WSCD2: variants seen among roughly 807,000 people sequenced by gnomAD.
WSCD2 encodes sialate:O-sulfotransferase 2.
WSCD2 carries 28 observed loss-of-function variants against 55.7 expected under a neutral mutation model. The ratio of observed to expected loss-of-function variants is 0.50; its 90% CI spans 0.37 to 0.69. The LOEUF (loss-of-function observed/expected upper bound fraction) is 0.69. WSCD2 is among the 30% of genes least tolerant of loss of function. The pLI, the probability that WSCD2 is intolerant of heterozygous loss-of-function variation, is 0.00. For missense variants in WSCD2, 616 were observed against 762.1 expected (o/e 0.81, Z 2.26); for synonymous variants, 301 against 301.9 (o/e 1.00, Z 0.03).
chr12:108,170,443 AC>A (rs1880118305), intron 1 of WSCD2, among the ~76,000 whole-genome samples: 1 of 151,932 alleles, frequency 6.6e-6, no homozygotes, highest in South Asian at 2.1e-4. Flanking sequence ...GATATTGACA[AC>A]AATGATGATG....
chr12:108,238,527 G>A (rs1889445199), intron 7 of WSCD2, among the ~76,000 whole-genome samples: 1 of 152,164 alleles, frequency 6.6e-6, no homozygotes, highest in African/African-American at 2.4e-5. Flanking sequence ...GATGATACGG[G>A]GCGACTTCTC....
chr12:108,147,858 GA>G (rs34940032), intron 1 of WSCD2, among the ~76,000 whole-genome samples: 76 of 134,300 alleles, frequency 5.7e-4, no homozygotes, highest in Middle Eastern at 3.8e-3. Context: ...CCCTGTCTCA[GA>G]AAAAAAAAAA....
Position 108,181,834 on chromosome 12 carries a change from C to A in WSCD2, c.-551-13448C>A, listed in dbSNP as rs150057883. ...GATACAAACGTGCAAATAACAATAA[C>A]TGTGGTTGTGCTGAGGCCTGGGAAT... On this transcript the variant is annotated intron_variant, in intron 1 of 8. Coordinates refer to ENST00000547525, the MANE Select transcript of WSCD2 (RefSeq NM_014653.4). Among the ~76,000 whole-genome samples the A allele has an allele frequency of 5.7e-3, 864 of 152,330 alleles. 13 individuals are homozygous for A. The highest frequency in any genetic ancestry group is 0.019 in the African/African-American group (779 of 41,570).
chr12:108,239,722 T>C (rs970061670), intron 7 of WSCD2, among the ~76,000 whole-genome samples: 6 of 152,120 alleles, frequency 3.9e-5, no homozygotes, highest in African/African-American at 1.4e-4. Context: ...CTTCTTTTCT[T>C]TTTTTGTCAA....
intron 7 of WSCD2, among the ~76,000 whole-genome samples, chr12:108,238,939 A>G (rs1889484952): frequency 1.3e-5 from 2 of 152,170 alleles, no homozygotes; most frequent in Non-Finnish European, 2.9e-5. Context: ...CTCATCTGTA[A>G]AATTCCTCAT....
At chr12:108,133,346 G>T (rs913121464) in intron 1 of WSCD2, among the ~76,000 whole-genome samples, 5 of 152,074 alleles carry the variant, frequency 3.3e-5, no homozygotes, top group African/African-American at 9.7e-5. Context: ...GAGTGGTGTT[G>T]TACTGTATCT....
chr12:108,198,873 T>C (rs1260036174), intron 2 of WSCD2, among the ~76,000 whole-genome samples: 1 of 152,214 alleles, frequency 6.6e-6, no homozygotes, highest in Non-Finnish European at 1.5e-5. Flanking sequence ...ATGGCAAAAC[T>C]GAGGTCCAGA....
chr12:108,169,023 G>A (rs983023613), intron 1 of WSCD2, among the ~76,000 whole-genome samples: 3 of 152,136 alleles, frequency 2.0e-5, no homozygotes, highest in African/African-American at 7.2e-5. Flanking sequence ...TCTGCCTCCT[G>A]TCAGATCAGT....
intron 4 of WSCD2, among the ~76,000 whole-genome samples, chr12:108,223,811 G>T (rs1278472570): frequency 6.6e-6 from 1 of 152,166 alleles, no homozygotes; most frequent in Non-Finnish European, 1.5e-5. Context: ...TGGAAGCTAG[G>T]ATAGACAAGG....
At position 108,129,683 on chromosome 12, in the gene WSCD2, T is replaced by A. The variant is rs1408228082; in HGVS notation, c.-795T>A. Reference sequence around the variant, plus strand: ...ATTCAAGGCGCACACTATCCCACTTTCCCGCTGGAGGCGCAGAGGATGCCC... The same window carrying A: ...ATTCAAGGCGCACACTATCCCACTTACCCGCTGGAGGCGCAGAGGATGCCC... On this transcript the variant is annotated 5_prime_UTR_variant, in exon 1 of 9. Coordinates refer to ENST00000547525, the MANE Select transcript of WSCD2 (RefSeq NM_014653.4). 6.6e-6 allele frequency: 1 copy of A among 152,204 alleles called. No homozygotes were observed. Among genetic ancestry groups the A allele is most frequent in the African/African-American group, 2.4e-5 (1 of 41,440 alleles). 9.4% of individuals were successfully genotyped at this position (152,204 alleles called of 1,614,324 possible).
intron 1 of WSCD2, among the ~76,000 whole-genome samples, chr12:108,145,454 A>G (rs994544691): frequency 2.6e-5 from 4 of 152,208 alleles, no homozygotes; most frequent in African/African-American, 7.2e-5. Context: ...CCAGGCTAAC[A>G]TTCCAAGCCT....
At position 108,210,824 on chromosome 12, in the gene WSCD2, T is replaced by C. The variant is rs528175398; in HGVS notation, c.682+519T>C. Among the ~76,000 whole-genome samples, 1 of 152,348 alleles carries C rather than the reference T, an allele frequency of 6.6e-6. No homozygotes were observed. The highest frequency in any genetic ancestry group is 2.1e-4 in the South Asian group (1 of 4,826). ...TAAAGCTTGTAAGCAGCAGAGAATT[T>C]AAACCGACTCTGGAGTCCTTGATGC... On this transcript the variant is annotated intron_variant, in intron 4 of 8. Transcript: ENST00000547525. The surrounding 1 kb of genome is among the most constrained non-coding windows in gnomAD (Gnocchi z 4.3).
intron 4 of WSCD2, among the ~76,000 whole-genome samples, chr12:108,221,158 T>A (rs538698919): frequency 7.2e-5 from 11 of 152,268 alleles, no homozygotes; most frequent in African/African-American, 2.6e-4. Flanking sequence ...GGTTGCCCGG[T>A]GACCTGAGTT....
intron 1 of WSCD2, among the ~76,000 whole-genome samples, chr12:108,147,556 ATTT>A (rs1254593851): frequency 2.6e-5 from 4 of 152,184 alleles, no homozygotes; most frequent in Non-Finnish European, 4.4e-5. Flanking sequence ...TGCCCTACTC[ATTT>A]ATTCTTCTAG....
chr12:108,246,288 T>C (rs141833348), intron 8 of WSCD2, among the ~76,000 whole-genome samples: 16 of 152,184 alleles, frequency 1.1e-4, no homozygotes, highest in Non-Finnish European at 1.5e-5. Flanking sequence ...GACTAGGACT[T>C]AATTTTTAAG....
chr12:108,166,365 G>A (rs958047320), intron 1 of WSCD2, among the ~76,000 whole-genome samples: 2 of 152,192 alleles, frequency 1.3e-5, no homozygotes, highest in Non-Finnish European at 2.9e-5. Context: ...TGCCAGCAGT[G>A]GGAATGGACA....
chr12:108,129,422 G>A lies in WSCD2; in HGVS notation c.-1056G>A, dbSNP rs1447951522. 9.3e-5 allele frequency: 14 copies of A among 150,834 alleles called. No individual in the cohort carries two copies. Among genetic ancestry groups the A allele is most frequent in the Non-Finnish European group, 1.8e-4 (12 of 67,236 alleles). 9.3% of individuals were successfully genotyped at this position (150,834 alleles called of 1,614,324 possible). On this transcript the variant is annotated 5_prime_UTR_variant, in exon 1 of 9. Coordinates refer to ENST00000547525, the MANE Select transcript of WSCD2 (RefSeq NM_014653.4). ...GAGAGAGCCAGGCGGCCGGAGCTCC[G>A]CGCCGAGCCGCAGCCGGTGCCCTGC...
intron 2 of WSCD2, chr12:108,196,476 G>A: frequency 2.1e-6 from 1 of 484,764 alleles, no homozygotes; most frequent in Admixed American, 3.8e-5. Flanking sequence ...AGAGGTCAAA[G>A]TCTGACTCTC....
At chr12:108,244,018 C>A (rs1565999694) in intron 8 of WSCD2, among the ~76,000 whole-genome samples, 2 of 152,348 alleles carry the variant, frequency 1.3e-5, no homozygotes, top group South Asian at 4.1e-4. Flanking sequence ...TGTCCTGGAT[C>A]TGTTTAATGA....
Sources: allele counts gnomAD v4.1 joint callset (sites outside exome capture counted in the v4.1 genomes callset), GRCh38; gene constraint gnomAD v4.1.1; non-coding constraint Gnocchi (gnomAD v3.1); transcripts MANE v1.5; gene names NCBI Gene and HGNC (gene_info 2026-07-23, HGNC 2026-07-21).